Variants in YAP1 observed in about 807,000 individuals in gnomAD.
YAP1 encodes the protein transcriptional coactivator YAP1.
A neutral mutation model predicts 56.9 loss-of-function variants in YAP1; 5 were observed. The ratio of observed to expected loss-of-function variants is 0.09; its 90% CI spans 0.05 to 0.18. The LOEUF (loss-of-function observed/expected upper bound fraction) is 0.18, where lower values mean the gene tolerates loss of function less well. Ranked by LOEUF, YAP1 falls within the 10% of genes least tolerant of loss-of-function variation. The pLI, the probability that YAP1 is intolerant of heterozygous loss-of-function variation, is 1.00. For missense variants in YAP1, 539 were observed against 651.8 expected (o/e 0.83, Z 1.88); for synonymous variants, 265 against 248.1 (o/e 1.07, Z -0.64).
intron 2 of YAP1, among the ~76,000 whole-genome samples, chr11:102,128,947 ACCTC>A (rs1053130472): frequency 8.9e-6 from 1 of 112,742 alleles, no homozygotes; most frequent in Admixed American, 8.1e-5. Context: ...TTCCTTTTTT[ACCTC>A]CCTCCCTCCC....
Position 102,133,702 on chromosome 11 carries a change from A to G in YAP1, c.572+19308A>G, listed in dbSNP as rs1414501605. On this transcript the variant is annotated intron_variant, in intron 2 of 8. Coordinates refer to ENST00000282441, the MANE Select transcript of YAP1 (RefSeq NM_001130145.3). ...AAATAAGTTTAGATGACAATAGCATATTAGGCTGTTAAGATTTCAACTCTG... is the reference window on the plus strand; with the variant it reads ...AAATAAGTTTAGATGACAATAGCATGTTAGGCTGTTAAGATTTCAACTCTG... Among the ~76,000 whole-genome samples, 3 of 152,238 alleles carry G rather than the reference A, an allele frequency of 2.0e-5. No homozygotes were observed. The East Asian group carries it at 5.8e-4, about 29-fold the overall frequency.
chr11:102,136,186 C>G (rs1224453999), intron 2 of YAP1, among the ~76,000 whole-genome samples: 2 of 152,180 alleles, frequency 1.3e-5, no homozygotes, highest in East Asian at 3.9e-4. Context: ...ACCATTGGAT[C>G]TGAGCATATT....
At chr11:102,148,874 G>A (rs138211203) in intron 2 of YAP1, among the ~76,000 whole-genome samples, 1 of 152,200 alleles carries the variant, frequency 6.6e-6, no homozygotes, top group African/African-American at 2.4e-5. Flanking sequence ...TAACTTATTG[G>A]CTGTATATTT....
chr11:102,181,389 T>C (rs900914053), intron 3 of YAP1, among the ~76,000 whole-genome samples: 2 of 152,056 alleles, frequency 1.3e-5, no homozygotes, highest in African/African-American at 2.4e-5. Flanking sequence ...GAGCTTGCAG[T>C]GAGCCGAGAT....
chr11:102,142,546 A>G (rs1418740287), intron 2 of YAP1, among the ~76,000 whole-genome samples: 4 of 152,234 alleles, frequency 2.6e-5, no homozygotes, highest in Non-Finnish European at 5.9e-5. Flanking sequence ...GGGAAGAGCT[A>G]TTCATTGATG....
chr11:102,220,386 T>C (rs1194564340), intron 6 of YAP1, among the ~76,000 whole-genome samples: 1 of 152,196 alleles, frequency 6.6e-6, no homozygotes, highest in African/African-American at 2.4e-5. Flanking sequence ...TTTGTAATGA[T>C]AACATTCTGG....
At chr11:102,133,457 C>T (rs994655973) in intron 2 of YAP1, among the ~76,000 whole-genome samples, 1 of 151,956 alleles carries the variant, frequency 6.6e-6, no homozygotes, top group Non-Finnish European at 1.5e-5. Flanking sequence ...CTACCATGCT[C>T]GGCTAATTTT....
At chr11:102,154,536 A>T (rs777049509) in intron 2 of YAP1, among the ~76,000 whole-genome samples, 1 of 152,164 alleles carries the variant, frequency 6.6e-6, no homozygotes, top group Non-Finnish European at 1.5e-5. Flanking sequence ...ACAGCATGTT[A>T]TAATCATACA....
chr11:102,203,722 A>G (rs57133241), intron 4 of YAP1, among the ~76,000 whole-genome samples: 2,445 of 152,324 alleles, frequency 0.016, 74 homozygotes, highest in African/African-American at 0.056. Context: ...ATATATTCCA[A>G]AATAGCTCAT....
chr11:102,121,438 C>CAA (rs58207163), intron 2 of YAP1, among the ~76,000 whole-genome samples: 15,414 of 144,156 alleles, frequency 0.11, 1,079 homozygotes, highest in East Asian at 0.33. Flanking sequence ...GACCTTGTCT[C>CAA]AAAAAAAAAA....
intron 2 of YAP1, among the ~76,000 whole-genome samples, chr11:102,118,526 C>T (rs1215676929): frequency 3.5e-5 from 5 of 143,658 alleles, no homozygotes; most frequent in East Asian, 2.1e-4. Flanking sequence ...TGCAGTGGCA[C>T]GATCTCAACT....
At chr11:102,183,254 G>A (rs1381527045) in intron 3 of YAP1, among the ~76,000 whole-genome samples, 1 of 152,098 alleles carries the variant, frequency 6.6e-6, no homozygotes, top group African/African-American at 2.4e-5. Context: ...TAATGGGAAC[G>A]GCATATACAA....
At chr11:102,222,530 T>C (rs1591465254) in intron 6 of YAP1, among the ~76,000 whole-genome samples, 2 of 152,304 alleles carry the variant, frequency 1.3e-5, no homozygotes, top group East Asian at 1.9e-4. Flanking sequence ...AGGCAGGCCT[T>C]CTGCAACCAT....
At chr11:102,223,812 G>A (rs1273237242) in intron 7 of YAP1, 60 bp downstream of exon 7, 3 of 1,599,384 alleles carry the variant, frequency 1.9e-6, no homozygotes, top group Admixed American at 1.7e-5. Context: ...AAATCATTCT[G>A]CTTAGTGCTT....
In YAP1 at chr11:102,111,154, A is replaced by G. The variant is rs781207075; in HGVS notation, c.306A>G (p.Lys102=). Residue 102 remains lysine, a synonymous_variant, in exon 1 of 9, where the codon AAA becomes AAG. Coordinates refer to ENST00000282441, the MANE Select transcript of YAP1 (RefSeq NM_001130145.3). The part of the protein sequence containing the change: ...PDSFFKPPEP[K]SHSRQASTDA... ...CCTTCTTCAAGCCGCCGGAGCCCAA[A>G]TCCCACTCCCGACAGGTAACCTCGT... The G allele has an allele frequency of 6.2e-7, 1 of 1,612,744 alleles. No individual in the cohort carries two copies. The highest frequency in any genetic ancestry group is 8.5e-7 in the Non-Finnish European group (1 of 1,179,756).
At chr11:102,158,505 G>A (rs973780928) in intron 2 of YAP1, among the ~76,000 whole-genome samples, 1 of 152,162 alleles carries the variant, frequency 6.6e-6, no homozygotes, top group African/African-American at 2.4e-5. Context: ...GGGTTGGGTG[G>A]AGCCTGAGTT....
chr11:102,132,556 A>C (rs556861394), intron 2 of YAP1, among the ~76,000 whole-genome samples: 1 of 152,316 alleles, frequency 6.6e-6, no homozygotes, highest in South Asian at 2.1e-4. Flanking sequence ...GTTAACTATA[A>C]TTGTATCCTG....
At chr11:102,197,488 A>G (rs2135557192) in intron 4 of YAP1, among the ~76,000 whole-genome samples, 1 of 148,478 alleles carries the variant, frequency 6.7e-6, no homozygotes, top group African/African-American at 2.4e-5. Context: ...GGAAATTCAC[A>G]TGTTTAGAAT....
At chr11:102,174,679 C>T (rs1295508784) in intron 3 of YAP1, among the ~76,000 whole-genome samples, 1 of 152,134 alleles carries the variant, frequency 6.6e-6, no homozygotes, top group African/African-American at 2.4e-5. Context: ...CAGATAGGCT[C>T]TTAATCATGT....
Sources: allele counts gnomAD v4.1 joint callset (sites outside exome capture counted in the v4.1 genomes callset), GRCh38; gene constraint gnomAD v4.1.1; transcripts MANE v1.5; gene names NCBI Gene and HGNC (gene_info 2026-07-23, HGNC 2026-07-21).